Variants in ANKRD30BL observed in about 807,000 individuals in gnomAD.
The protein encoded by ANKRD30BL is putative ankyrin repeat domain-containing protein 30B-like.
Under a neutral mutation model 18.4 loss-of-function variants are expected in ANKRD30BL, and 20 were observed. That is an observed-to-expected ratio of 1.09 (90% CI 0.77 to 1.58). The LOEUF (loss-of-function observed/expected upper bound fraction) is 1.58. Among genes scored for constraint, ANKRD30BL ranks in the 40% most tolerant of loss-of-function variants. The pLI is 0.00. For missense variants in ANKRD30BL, 224 were observed against 268.6 expected (o/e 0.83, Z 1.16); for synonymous variants, 72 against 100.9 (o/e 0.71, Z 1.72).
chr2:132,206,298 C>T (rs560337061), intron 1 of ANKRD30BL, among the ~76,000 whole-genome samples: 2 of 152,236 alleles, frequency 1.3e-5, no homozygotes, highest in East Asian at 3.9e-4. Flanking sequence ...CAGCAACACA[C>T]CACTGGATTT....
chr2:132,181,139 G>C (rs201191208), intron 1 of ANKRD30BL, among the ~76,000 whole-genome samples: 1 of 151,632 alleles, frequency 6.6e-6, no homozygotes, highest in African/African-American at 2.4e-5. Context: ...GCAAGACTCC[G>C]TCTCAAAAAA....
intron 1 of ANKRD30BL, among the ~76,000 whole-genome samples, chr2:132,214,970 AT>A (rs1400024756): frequency 6.6e-6 from 1 of 152,106 alleles, no homozygotes; most frequent in Non-Finnish European, 1.5e-5. Context: ...GCAAGTGGAC[AT>A]TTGGAGAGCT....
At chr2:132,226,005 G>A (rs1679834463) in intron 1 of ANKRD30BL, among the ~76,000 whole-genome samples, 2 of 150,758 alleles carry the variant, frequency 1.3e-5, no homozygotes, top group African/African-American at 2.4e-5. Flanking sequence ...GGAAAAGGAA[G>A]TATCTTCACA....
chr2:132,190,761 TG>T (rs1443547813), intron 1 of ANKRD30BL, among the ~76,000 whole-genome samples: 2 of 152,212 alleles, frequency 1.3e-5, no homozygotes, highest in Non-Finnish European at 2.9e-5. Flanking sequence ...AGATCTTTTA[TG>T]CAGCGAATTA....
At chr2:132,178,624 T>C (rs1483977994) in intron 1 of ANKRD30BL, among the ~76,000 whole-genome samples, 16 of 107,706 alleles carry the variant, frequency 1.5e-4, no homozygotes, top group South Asian at 6.8e-4. Context: ...GAAGATATTT[T>C]TATGTTTTTT....
At chr2:132,152,053 T>A (rs1573797102) in intron 4 of ANKRD30BL, 2 of 152,194 alleles carry the variant, frequency 1.3e-5, no homozygotes, top group East Asian at 3.8e-4. Context: ...ATTTCTGAGA[T>A]CCCTACTAAC....
intron 1 of ANKRD30BL, among the ~76,000 whole-genome samples, chr2:132,173,103 T>C (rs924569682): frequency 6.6e-6 from 1 of 152,168 alleles, no homozygotes; most frequent in Non-Finnish European, 1.5e-5. Flanking sequence ...TAAGAAATCA[T>C]TGCTAAATCT....
chr2:132,152,017 A>C (rs983382783), intron 4 of ANKRD30BL, among the ~76,000 whole-genome samples: 15 of 152,192 alleles, frequency 9.9e-5, no homozygotes, highest in African/African-American at 3.6e-4. Flanking sequence ...AAGTTCCACA[A>C]AGAAGATGCA....
intron 1 of ANKRD30BL, among the ~76,000 whole-genome samples, chr2:132,200,542 C>G (rs1447826647): frequency 6.6e-6 from 1 of 152,116 alleles, no homozygotes; most frequent in African/African-American, 2.4e-5. Context: ...TTCCCATTCA[C>G]AATTGCTTCA....
At position 132,221,209 on chromosome 2, in the gene ANKRD30BL, C is replaced by T. The variant is rs1456131187; in HGVS notation, n.441+36320G>A. Among the ~76,000 whole-genome samples the T allele has an allele frequency of 5.4e-4, 78 of 144,156 alleles. 1 individual carries two copies. The highest frequency in any genetic ancestry group is 3.6e-3 in the Middle Eastern group (1 of 274). 94.6% of individuals were successfully genotyped at this position (144,156 alleles called of 152,430 possible). On this transcript the variant is annotated intron_variant and non_coding_transcript_variant, in intron 1 of 4. Coordinates refer to the ANKRD30BL transcript ENST00000470729. ...GGGAGGTGGGGGGGGGTCAGCCCCCCGCCCGGCCAGCCGCCCCGTCCGGGA... is the reference window on the plus strand; with the variant it reads ...GGGAGGTGGGGGGGGGTCAGCCCCCTGCCCGGCCAGCCGCCCCGTCCGGGA...
At chr2:132,244,986 C>G in intron 1 of ANKRD30BL, among the ~76,000 whole-genome samples, 2 of 152,422 alleles carry the variant, frequency 1.3e-5, no homozygotes, top group East Asian at 3.8e-4. Context: ...TGTGTGAACT[C>G]AACTCACAGA....
intron 1 of ANKRD30BL, among the ~76,000 whole-genome samples, chr2:132,252,018 G>A (rs1179728646): frequency 3.3e-5 from 5 of 152,164 alleles, no homozygotes; most frequent in Non-Finnish European, 5.9e-5. Context: ...AACACAAAAT[G>A]ACCTTGTTCC....
chr2:132,257,045 G>C (rs774322619), intron 1 of ANKRD30BL: 4 of 515,428 alleles, frequency 7.8e-6, no homozygotes, highest in Middle Eastern at 3.2e-4. Context: ...AGGTACCGCA[G>C]CGACCCGCCT....
intron 1 of ANKRD30BL, chr2:132,257,086 G>A: frequency 2.1e-6 from 1 of 483,698 alleles, no homozygotes; most frequent in South Asian, 1.5e-5. Flanking sequence ...GCACCACCGA[G>A]ACCCGCCTCA....
At chr2:132,177,773 G>A (rs1183033335) in intron 1 of ANKRD30BL, among the ~76,000 whole-genome samples, 1 of 152,098 alleles carries the variant, frequency 6.6e-6, no homozygotes, top group Non-Finnish European at 1.5e-5. Flanking sequence ...GAGACAAAAA[G>A]AACAAGTTTA....
upstream of ANKRD30BL, among the ~76,000 whole-genome samples, chr2:132,162,142 T>G (rs34816738): frequency 0.15 from 23,002 of 150,716 alleles, 1,937 homozygotes; most frequent in Admixed American, 0.24. Context: ...GCTGCCCCTG[T>G]CCCCTCCTCA....
intron 1 of ANKRD30BL, among the ~76,000 whole-genome samples, chr2:132,251,312 A>G (rs1680640814): frequency 1.3e-5 from 2 of 152,182 alleles, no homozygotes; most frequent in African/African-American, 4.8e-5. Flanking sequence ...ACTGTTTTGC[A>G]TGCATTCATT....
chr2:132,239,175 T>A (rs930130823), intron 1 of ANKRD30BL, among the ~76,000 whole-genome samples: 5 of 152,144 alleles, frequency 3.3e-5, no homozygotes, highest in African/African-American at 1.2e-4. Flanking sequence ...TACTTTGTGA[T>A]GTGTGTACTC....
intron 1 of ANKRD30BL, among the ~76,000 whole-genome samples, chr2:132,245,862 T>C (rs1680484819): frequency 6.6e-6 from 1 of 151,740 alleles, no homozygotes; most frequent in Non-Finnish European, 1.5e-5. Context: ...GAATTCAACA[T>C]TCTCTTTTAT....
Sources: gnomAD v4.1 joint callset for allele counts (sites outside exome capture counted in the v4.1 genomes callset) on GRCh38, gnomAD v4.1.1 for gene constraint, MANE v1.5 for transcripts, NCBI Gene and HGNC (gene_info 2026-07-23, HGNC 2026-07-21) for gene names.